Variants in AKAP17A observed in about 807,000 individuals in gnomAD.
AKAP17A encodes A-kinase anchoring protein 17A.
A neutral mutation model predicts 52.2 loss-of-function variants in AKAP17A; 15 were observed. The ratio of observed to expected loss-of-function variants is 0.29; its 90% CI spans 0.19 to 0.44. AKAP17A has a LOEUF of 0.44. Ranked by LOEUF, AKAP17A falls within the 20% of genes least tolerant of loss-of-function variation. The pLI is 1.00. For synonymous variants in AKAP17A, 514 were observed against 424.7 expected (o/e 1.21, Z -2.58); for missense variants, 1,060 against 1,007.0 (o/e 1.05, Z -0.71).
At position 1,601,566 on chromosome X, in the gene AKAP17A, G is replaced by A. The variant is rs769616220; in HGVS notation, c.2060G>A (p.Ser687Asn). The change falls in exon 5 of 5, where the codon AGC (serine) becomes AAC (asparagine). Residue 687 changes from serine to asparagine, a missense_variant. Around this residue, in one of 2 missense-constraint regions of AKAP17A, gnomAD observed 793 missense variants for 629.9 expected, o/e 1.26. Coordinates refer to ENST00000313871, the MANE Select transcript of AKAP17A (RefSeq NM_005088.3). ...RSERSRSRSP[S>N]RHRSTWNR The stretch of plus-strand genomic sequence containing the variant: ...GAGCGGTCGCGCTCCCGGTCCCCGA[G>A]CAGGCACCGCAGTACCTGGAACAGG... 1.6e-5 allele frequency: 23 copies of A among 1,457,358 alleles called. No individual in the cohort carries two copies. Among genetic ancestry groups the A allele is most frequent in the Non-Finnish European group, 7.2e-6 (8 of 1,113,320 alleles). 90.3% of individuals were successfully genotyped at this position (1,457,358 alleles called of 1,614,324 possible).
At chrX:1,598,879 C>T (rs1172331564) in intron 3 of AKAP17A, among the ~76,000 whole-genome samples, 1 of 152,216 alleles carries the variant, frequency 6.6e-6, no homozygotes, top group African/African-American at 2.4e-5. Flanking sequence ...CGTCCGTCTG[C>T]CCATCCGTCT....
In AKAP17A at chrX:1,601,426, C is replaced by A; in HGVS notation, c.1920C>A (p.Ser640Arg). Reference protein sequence around the residue: ...KDDSPRRRSTSPDHTRSRRSH... With the variant: ...KDDSPRRRSTRPDHTRSRRSH... ...ACAGCCCCCGCCGGCGCAGCACGAG[C>A]CCGGACCACACCCGGTCCCGGAGGT... The change falls in exon 5 of 5, where the codon AGC (serine) becomes AGA (arginine). Residue 640 changes from serine to arginine, a missense_variant. Coordinates refer to ENST00000313871, the MANE Select transcript of AKAP17A (RefSeq NM_005088.3). The A allele has an allele frequency of 6.4e-7, 1 of 1,571,416 alleles. No individual in the cohort carries two copies. Among genetic ancestry groups the A allele is most frequent in the Non-Finnish European group, 8.6e-7 (1 of 1,166,398 alleles).
chrX:1,599,141 G>C (rs749229613), intron 3 of AKAP17A, 51 bp from the exon 4 acceptor site: 21 of 1,596,640 alleles, frequency 1.3e-5, no homozygotes, highest in Admixed American at 1.7e-5. Flanking sequence ...ATGGTGTGTG[G>C]TGTGTTGGCT....
chrX:1,598,848 T>A (rs1933176591), intron 3 of AKAP17A, among the ~76,000 whole-genome samples: 1 of 152,204 alleles, frequency 6.6e-6, no homozygotes, highest in African/African-American at 2.4e-5. Flanking sequence ...TTGTTGGGCC[T>A]GCTGGGGTTC....
intron 2 of AKAP17A, 54 bp from the exon 3 acceptor site, chrX:1,595,330 T>G: frequency 4.4e-6 from 7 of 1,608,424 alleles, no homozygotes; most frequent in Non-Finnish European, 5.9e-6. Context: ...CGCCTGGCCG[T>G]GTGTCTGGGG....
Position 1,593,775 on chromosome X carries a change from G to A in AKAP17A, c.313G>A (p.Gly105Ser), listed in dbSNP as rs1487755505. ...CLDGKTIKLSGFSDILKVRAA... is the reference protein window; with the variant it reads ...CLDGKTIKLSSFSDILKVRAA... ...GGACGGCAAGACCATCAAGCTCAGC[G>A]GCTTCTCCGACATCCTGAAGGTGCG... Residue 105 changes from glycine to serine, a missense_variant, in exon 2 of 5, where the codon GGC becomes AGC. This residue lies in a region of AKAP17A where 267 missense variants were observed against 377.1 expected (regional missense o/e 0.71). Coordinates refer to ENST00000313871, the MANE Select transcript of AKAP17A (RefSeq NM_005088.3). The A allele has an allele frequency of 1.9e-6, 3 of 1,613,792 alleles. No homozygotes were observed. The highest frequency in any genetic ancestry group is 2.2e-5 in the East Asian group (1 of 44,886).
intron 3 of AKAP17A, 151 bp downstream of exon 3, chrX:1,595,683 C>T (rs1569349989): frequency 1.0e-5 from 13 of 1,262,846 alleles, no homozygotes; most frequent in South Asian, 1.4e-5. Flanking sequence ...CATGGACGCA[C>T]GTGTGCCTGT....
chrX:1,599,516 C>CG (rs1933231839), intron 4 of AKAP17A, 84 bp downstream of exon 4: 2 of 1,536,218 alleles, frequency 1.3e-6, no homozygotes, highest in Admixed American at 3.9e-5. Context: ...GGCGTCACGG[C>CG]GCCGTTTCCC....
chrX:1,596,597 C>T (rs1224201347), intron 3 of AKAP17A, among the ~76,000 whole-genome samples: 1 of 127,026 alleles, frequency 7.9e-6, no homozygotes, highest in Non-Finnish European at 1.6e-5. Context: ...CTCCATCCCT[C>T]CCACCCTCCT....
At chrX:1,597,980 G>A (rs1215771582) in intron 3 of AKAP17A, among the ~76,000 whole-genome samples, 12 of 152,180 alleles carry the variant, frequency 7.9e-5, no homozygotes, top group Non-Finnish European at 1.8e-4. Context: ...CTCAGAGGCT[G>A]AGCATGAGGG....
At chrX:1,600,593 C>G (rs1348188801) in intron 4 of AKAP17A, 66 bp from the exon 5 acceptor site, 4 of 1,421,102 alleles carry the variant, frequency 2.8e-6, no homozygotes, top group Non-Finnish European at 3.7e-6. Context: ...ACCTTCCCAG[C>G]TCCTGTCCCA....
rs781125526 is a variant in AKAP17A at position 1,600,833 on chromosome X, C to T, written c.1327C>T (p.Leu443=). ...ELRERLLSIL[L]SKKPDDSHTH... ...GCGCGAGCGGCTGCTGAGCATCCTGCTGAGCAAGAAGCCGGACGACAGCCA... is the reference window on the plus strand; with the variant it reads ...GCGCGAGCGGCTGCTGAGCATCCTGTTGAGCAAGAAGCCGGACGACAGCCA... Residue 443 remains leucine (L), a synonymous_variant, in exon 5 of 5, where the codon CTG becomes TTG. Transcript: ENST00000313871. 2 of 1,592,860 alleles carry T rather than the reference C, an allele frequency of 1.3e-6. No homozygotes were observed. The highest frequency in any genetic ancestry group is 2.3e-5 in the East Asian group (1 of 44,254).
rs767797967 is a variant in AKAP17A at position 1,595,500 on chromosome X, G to A, written c.879G>A (p.Lys293=). ...QQREEQKRRE[K]EAEERQRAEE... ...GAGAAGAACAAAAGCGCAGAGAGAA[G>A]GAAGCGGAGGAGAGGCAGCGAGCGG... The change falls in exon 3 of 5, where the codon AAG becomes AAA. Residue 293 remains lysine, a synonymous_variant. Coordinates refer to ENST00000313871, the MANE Select transcript of AKAP17A (RefSeq NM_005088.3). The A allele has an allele frequency of 9.9e-6, 16 of 1,613,878 alleles. No homozygotes were observed. Among genetic ancestry groups the A allele is most frequent in the Non-Finnish European group, 1.0e-5 (12 of 1,179,884 alleles).
chrX:1,598,901 G>T (rs1933181052), intron 3 of AKAP17A, among the ~76,000 whole-genome samples: 1 of 152,160 alleles, frequency 6.6e-6, no homozygotes, highest in Admixed American at 6.5e-5. Context: ...TCCCCTGACT[G>T]GGGGCGTGGC....
intron 4 of AKAP17A, chrX:1,599,876 T>TGCCGTGGGCCC (rs1262082508): frequency 3.5e-6 from 2 of 578,728 alleles, no homozygotes; most frequent in Non-Finnish European, 6.2e-6. Context: ...AGAGGGGGCC[T>TGCCGTGGGCCC]GCCGTGGGCC....
Position 1,601,729 on chromosome X carries a change from C to T in AKAP17A, c.*135C>T. On this transcript the variant is annotated 3_prime_UTR_variant, in exon 5 of 5. Coordinates refer to ENST00000313871, the MANE Select transcript of AKAP17A (RefSeq NM_005088.3). Reference sequence around the variant, plus strand: ...CTGCAGCCACGAATGTCCACGGAGCCCGCCGGCAGGAAGGAAGACACCATG... The same window carrying T: ...CTGCAGCCACGAATGTCCACGGAGCTCGCCGGCAGGAAGGAAGACACCATG... The T allele has an allele frequency of 3.8e-6, 3 of 783,812 alleles. No homozygotes were observed. The highest frequency in any genetic ancestry group is 4.0e-4 in the Middle Eastern group (1 of 2,482). 48.6% of individuals were successfully genotyped at this position (783,812 alleles called of 1,614,324 possible).
At chrX:1,599,943 AC>A (rs1323562795) in intron 4 of AKAP17A, 33 of 478,050 alleles carry the variant, frequency 6.9e-5, no homozygotes, top group African/African-American at 8.0e-5. Flanking sequence ...GGTACTGACG[AC>A]CCCCTCAGCA....
At chrX:1,598,836 C>T (rs1933175442) in intron 3 of AKAP17A, among the ~76,000 whole-genome samples, 1 of 152,196 alleles carries the variant, frequency 6.6e-6, no homozygotes, top group South Asian at 2.1e-4. Context: ...CATCCCGGGG[C>T]CTTGTTGGGC....
chrX:1,592,704 G>C lies in AKAP17A; in HGVS notation c.-19-740G>C, dbSNP rs73631252. Among the ~76,000 whole-genome samples the C allele has an allele frequency of 5.8e-3, 887 of 152,258 alleles. 7 individuals are homozygous for C. The highest frequency in any genetic ancestry group is 0.021 in the African/African-American group (868 of 41,556). On this transcript the variant is annotated intron_variant, in intron 1 of 4. Coordinates refer to ENST00000313871, the MANE Select transcript of AKAP17A (RefSeq NM_005088.3). The stretch of plus-strand genomic sequence containing the variant: ...TCACCTGAGATGGTTGGGTTTCTGC[G>C]AGTGAAGCTTCCTCTACTTGGACTT...
Sources: gnomAD v4.1 joint callset for allele counts (sites outside exome capture counted in the v4.1 genomes callset) on GRCh38, gnomAD v4.1.1 for gene constraint, gnomAD v4.1.1 regional missense constraint, MANE v1.5 for transcripts, NCBI Gene and HGNC (gene_info 2026-07-23, HGNC 2026-07-21) for gene names.